Variants in NTM observed in about 807,000 individuals in gnomAD.
NTM encodes neurotrimin.
Under a neutral mutation model 42.1 loss-of-function variants are expected in NTM, and 13 were observed. The observed-to-expected ratio is 0.31, with a 90% confidence interval of 0.20 to 0.49. The LOEUF is 0.49. Among genes scored for constraint, NTM ranks in the 20% least tolerant of loss-of-function variants. The probability of loss-of-function intolerance (pLI) is 0.99; values close to 1 mark genes in which losing one functional copy is unlikely to be tolerated. For synonymous variants in NTM, 187 were observed against 179.2 expected, an observed-to-expected ratio of 1.04 and a Z score of -0.35; for missense variants, 373 against 452.8, an observed-to-expected ratio of 0.82 and a Z score of 1.60.
intron 4 of NTM, among the ~76,000 whole-genome samples, chr11:132,279,991 A>T (rs2093905173): frequency 1.3e-5 from 2 of 152,212 alleles, no homozygotes; most frequent in African/African-American, 2.4e-5. Flanking sequence ...CTGTTGTTGA[A>T]ACAGACCGCC....
At chr11:131,878,149 T>C (rs1359080584) in intron 1 of NTM, 1 of 151,978 alleles carries the variant, frequency 6.6e-6, no homozygotes, top group African/African-American at 2.4e-5. Flanking sequence ...GTGCCTAGAG[T>C]TGGGGACAGG....
chr11:131,631,652 A>G (rs998593005), intron 1 of NTM, among the ~76,000 whole-genome samples: 1 of 152,166 alleles, frequency 6.6e-6, no homozygotes, highest in Non-Finnish European at 1.5e-5. Context: ...CATTTCTACA[A>G]TTTCCATAAC....
intron 3 of NTM, among the ~76,000 whole-genome samples, chr11:132,196,014 C>G (rs1034282729): frequency 2.6e-5 from 4 of 152,254 alleles, no homozygotes; most frequent in South Asian, 2.1e-4. Flanking sequence ...AACCGACAAC[C>G]TATGGAATGG....
chr11:131,709,630 TG>T (rs1479554677), intron 1 of NTM, among the ~76,000 whole-genome samples: 2 of 152,206 alleles, frequency 1.3e-5, no homozygotes, highest in Non-Finnish European at 2.9e-5. Context: ...TTTCTGGACA[TG>T]TTAACTTCAA....
At chr11:132,237,551 G>A (rs1487567043) in intron 4 of NTM, among the ~76,000 whole-genome samples, 1 of 152,150 alleles carries the variant, frequency 6.6e-6, no homozygotes, top group Admixed American at 6.5e-5. Flanking sequence ...TTTTCAGCCC[G>A]TTTGTGGACA....
intron 2 of NTM, among the ~76,000 whole-genome samples, chr11:131,948,917 G>A (rs502327): frequency 0.17 from 25,351 of 152,076 alleles, 2,264 homozygotes; most frequent in East Asian, 0.26. Flanking sequence ...GAACATTGTT[G>A]TGTAGCTGCT....
At chr11:131,396,925 C>T (rs547660709) in intron 1 of NTM, among the ~76,000 whole-genome samples, 3 of 151,996 alleles carry the variant, frequency 2.0e-5, no homozygotes, top group South Asian at 2.1e-4. Flanking sequence ...CTCTCTGGGC[C>T]TCATTTCCCT....
intron 2 of NTM, among the ~76,000 whole-genome samples, chr11:132,049,620 A>G (rs79784533): frequency 0.012 from 1,860 of 152,220 alleles, 40 homozygotes; most frequent in African/African-American, 0.04. Flanking sequence ...TGAGATACAC[A>G]TTGCTCCATC....
chr11:132,166,493 G>A (rs982099891), intron 3 of NTM, among the ~76,000 whole-genome samples: 3 of 152,142 alleles, frequency 2.0e-5, no homozygotes, highest in African/African-American at 4.8e-5. Flanking sequence ...AACACATGGA[G>A]GAGGGTGAGT....
At chr11:132,111,325 T>A (rs2063173924) in intron 2 of NTM, among the ~76,000 whole-genome samples, 1 of 151,896 alleles carries the variant, frequency 6.6e-6, no homozygotes, top group Admixed American at 6.6e-5. Context: ...TTTTCTTGAT[T>A]CCTTGACTTT....
chr11:132,141,504 G>A (rs977859489), intron 2 of NTM, among the ~76,000 whole-genome samples: 6 of 152,210 alleles, frequency 3.9e-5, no homozygotes, highest in Admixed American at 6.5e-5. Flanking sequence ...AACAATAGGT[G>A]CAGCTGCAGA....
chr11:132,204,794 A>T (rs1193372029), intron 3 of NTM, among the ~76,000 whole-genome samples: 1 of 152,114 alleles, frequency 6.6e-6, no homozygotes, highest in East Asian at 1.9e-4. Context: ...GAGAGAAGGG[A>T]GGTCCTAACC....
rs151123545 is a variant in NTM at position 132,060,445 on chromosome 11, T to A, written c.168-85837T>A. On this transcript the variant is annotated intron_variant, in intron 2 of 8. Coordinates refer to ENST00000683400, the MANE Select transcript of NTM (RefSeq NM_001352005.2). ...TACTGCGCTATGAACAGAGGTTGTA[T>A]CCACATTTAATGGAACATAGCAGTG... Among the ~76,000 whole-genome samples the A allele has an allele frequency of 1.2e-3, 162 of 129,672 alleles. 1 individual carries two copies. Among genetic ancestry groups the A allele is most frequent in the African/African-American group, 3.9e-3 (155 of 39,874 alleles). 85.1% of individuals were successfully genotyped at this position (129,672 alleles called of 152,430 possible).
At position 131,372,054 on chromosome 11, in the gene NTM, G is replaced by A. The variant is rs73583089; in HGVS notation, c.82+1166G>A. On this transcript the variant is annotated intron_variant, in intron 1 of 8. Coordinates refer to ENST00000683400, the MANE Select transcript of NTM (RefSeq NM_001352005.2). ...GTTCTCCTGATCTGGACTGAGTCCTGAGCTGTAGTCCTGCTGGCTCTTCTC... is the reference window on the plus strand; with the variant it reads ...GTTCTCCTGATCTGGACTGAGTCCTAAGCTGTAGTCCTGCTGGCTCTTCTC... Among the ~76,000 whole-genome samples the A allele has an allele frequency of 2.8e-3, 432 of 152,296 alleles. 1 individual carries two copies. Among genetic ancestry groups the A allele is most frequent in the African/African-American group, 0.01 (416 of 41,550 alleles).
chr11:132,221,587 G>T (rs1413928323), intron 4 of NTM, among the ~76,000 whole-genome samples: 1 of 152,078 alleles, frequency 6.6e-6, no homozygotes, highest in Non-Finnish European at 1.5e-5. Context: ...CCTAGTTCAT[G>T]CCCCAGCCTT....
chr11:132,315,731 G>A (rs1173064253), intron 7 of NTM, among the ~76,000 whole-genome samples: 1 of 152,120 alleles, frequency 6.6e-6, no homozygotes, highest in Non-Finnish European at 1.5e-5. Context: ...TTCACCACAC[G>A]ATCTCTGCTC....
Position 132,307,968 on chromosome 11 carries a change from G to GCAAA in NTM, c.661+148_661+151dup. 7 of 708,686 alleles carry GCAAA rather than the reference G, an allele frequency of 9.9e-6. No individual in the cohort carries two copies. In the East Asian group the frequency reaches 2.1e-4, roughly 21 times the overall value. The allele number at this position is 708,686 out of a possible 1,614,324, so 43.9% of individuals were successfully genotyped here. ...CACTTTCCACACTCTGCTTTCAGGA[G>GCAAA]CAAACATTTCAAACTCGAGTTTTTG... On this transcript the variant is annotated intron_variant, in intron 5 of 8. Coordinates refer to ENST00000683400, the MANE Select transcript of NTM (RefSeq NM_001352005.2).
At chr11:132,087,905 A>G (rs2059925603) in intron 2 of NTM, among the ~76,000 whole-genome samples, 1 of 152,190 alleles carries the variant, frequency 6.6e-6, no homozygotes, top group Non-Finnish European at 1.5e-5. Flanking sequence ...ATAGTGGGAA[A>G]TGCTGGCCAG....
At chr11:131,598,688 T>TTTCTTTCTTTCTTTCTCTTTCC in intron 1 of NTM, among the ~76,000 whole-genome samples, 1 of 19,776 alleles carries the variant, frequency 5.1e-5, no homozygotes, top group Admixed American at 8.1e-4. Flanking sequence ...ATTTGTTTTC[T>TTTCTTTCTTTCTTTCTCTTTCC]TTCTTTCTTT....
Sources: gnomAD v4.1 joint callset for allele counts (sites outside exome capture counted in the v4.1 genomes callset) on GRCh38, gnomAD v4.1.1 for gene constraint, MANE v1.5 for transcripts, NCBI Gene and HGNC (gene_info 2026-07-23, HGNC 2026-07-21) for gene names.